The following MEAK7 variants were observed in gnomAD, a reference collection of about 807,000 sequenced individuals.
MEAK7 encodes the protein MTOR associated protein MEAK7, also known as MTOR-associated protein MEAK7.
Under a neutral mutation model 40.5 loss-of-function variants are expected in MEAK7, and 68 were observed. The observed-to-expected ratio is 1.68, with a 90% confidence interval of 1.38 to 2.06. The LOEUF (loss-of-function observed/expected upper bound fraction) is 2.06, where lower values mean the gene tolerates loss of function less well. Ranked by LOEUF, MEAK7 falls within the 30% of genes most tolerant of loss-of-function variation. MEAK7 has a pLI of 0.00. For missense variants in MEAK7, 918 were observed against 580.5 expected, an observed-to-expected ratio of 1.58 and a Z score of -5.98; for synonymous variants, 338 against 231.9, an observed-to-expected ratio of 1.46 and a Z score of -4.16.
intron 5 of MEAK7, among the ~76,000 whole-genome samples, chr16:84,483,848 C>A (rs1157945834): frequency 1.3e-5 from 2 of 152,152 alleles, no homozygotes; most frequent in African/African-American, 4.8e-5. Context: ...AGGTACGGAA[C>A]AGTGGGGCTT....
At chr16:84,482,216 C>T (rs1271821255) in intron 6 of MEAK7, among the ~76,000 whole-genome samples, 1 of 152,200 alleles carries the variant, frequency 6.6e-6, no homozygotes, top group Non-Finnish European at 1.5e-5. Flanking sequence ...GCCGGCCGTC[C>T]ATTCCCCTTG....
rs1156323886 is a variant in MEAK7 at position 84,480,650 on chromosome 16, C to G, written c.1136G>C (p.Gly379Ala). ...GLWVDVDFGKGHSRAKPTCTT... is the reference protein window; with the variant it reads ...GLWVDVDFGKAHSRAKPTCTT... ...GCACGTGGGCTTGGCTCTGCTGTGT[C>G]CTTTCCCAAAATCAACATCCACCCA... The change falls in exon 7 of 8, where the codon GGA (glycine) becomes GCA (alanine). Residue 379 changes from glycine to alanine, a missense_variant. Physicochemically the swap from Gly to Ala is moderately conservative, Grantham distance 60 (BLOSUM62 0). Coordinates refer to ENST00000343629, the MANE Select transcript of MEAK7 (RefSeq NM_020947.4). The G allele has an allele frequency of 6.2e-7, 1 of 1,613,976 alleles. No homozygotes were observed. Among genetic ancestry groups the G allele is most frequent in the Admixed American group, 1.7e-5 (1 of 59,988 alleles).
chr16:84,494,838 A>T (rs1047531509), intron 3 of MEAK7: 10 of 454,180 alleles, frequency 2.2e-5, no homozygotes, highest in African/African-American at 1.8e-4. Context: ...GATTTCTGAA[A>T]GACAAAGCAG....
At chr16:84,495,497 A>C in intron 3 of MEAK7, 186 bp downstream of exon 3, 1 of 606,206 alleles carries the variant, frequency 1.6e-6, no homozygotes, top group Non-Finnish European at 2.9e-6. Context: ...TCATCTTTGG[A>C]GAAAGGCACA....
In MEAK7 at chr16:84,486,795, C is replaced by T. The variant is rs746707098; in HGVS notation, c.794G>A (p.Arg265His). 9 of 1,614,004 alleles carry T rather than the reference C, an allele frequency of 5.6e-6. No homozygotes were observed. Among genetic ancestry groups the T allele is most frequent in the East Asian group, 2.2e-5 (1 of 44,880 alleles). Residue 265 changes from arginine to histidine, a missense_variant, in exon 5 of 8, where the codon CGC (arginine) becomes CAC (histidine). Arg to His is a conservative substitution (Grantham distance 29). Transcript: ENST00000343629. ...NAQLPREQRH[R>H]WCLLFSSELH... is the part of the protein sequence containing the mutation. ...CTCAGACGAAAAGAGCAGGCACCAG[C>T]GGTGCCGCTGCTCCCGAGGCAGCTG... is the stretch of plus-strand genomic sequence containing the variant.
chr16:84,486,558 C>T lies in MEAK7; in HGVS notation c.958+73G>A, dbSNP rs376832532. The stretch of plus-strand genomic sequence containing the variant: ...ATGGGAGAGCCCTATTTAGCACCCC[C>T]ACCCTCTCCCTTTCTCCAGAGCTCT... On this transcript the variant is annotated intron_variant, in intron 5 of 7. Coordinates refer to ENST00000343629, the MANE Select transcript of MEAK7 (RefSeq NM_020947.4). The T allele has an allele frequency of 1.4e-4, 216 of 1,515,376 alleles. 2 individuals carry two copies. In the South Asian group the frequency reaches 2.6e-3, roughly 18 times the overall value. The allele number at this position is 1,515,376 out of a possible 1,614,324, so 93.9% of individuals were successfully genotyped here. A position where few individuals can be genotyped will look rare whatever the true frequency, so the allele number is the denominator to read the frequency against.
At position 84,498,134 on chromosome 16, in the gene MEAK7, A is replaced by T. The variant is rs200269684; in HGVS notation, c.-25-23T>A. The T allele has an allele frequency of 6.2e-5, 95 of 1,535,996 alleles. 1 individual carries two copies. In the East Asian group the frequency reaches 2.0e-3, roughly 32 times the overall value. On this transcript the variant is annotated intron_variant, in intron 1 of 7. Transcript: ENST00000343629. ...TCTCTGCAGAAGGAAAAGACACAAC[A>T]TTAGAAAAATCAAAATTTAATAATC...
In MEAK7 at chr16:84,479,476, GCGGAA is replaced by G. The variant is rs1425271369; in HGVS notation, c.*432_*436del. 1.8e-4 allele frequency: 22 copies of G among 124,818 alleles called. No homozygotes were observed. The highest frequency in any genetic ancestry group is 8.5e-4 in the East Asian group (3 of 3,524). The allele number at this position is 124,818 out of a possible 1,614,324, so 7.7% of individuals were successfully genotyped here. A position where few individuals can be genotyped will look rare whatever the true frequency, so the allele number is the denominator to read the frequency against. On this transcript the variant is annotated 3_prime_UTR_variant, in exon 8 of 8. Transcript: ENST00000343629. ...ATGCCAGCGGAATTCCCTAATGCCA[GCGGAA>G]TTCCCTAATGCCAGCGGAATTCCCT...
chr16:84,502,304 T>C (rs959164571), intron 1 of MEAK7, among the ~76,000 whole-genome samples: 2 of 151,486 alleles, frequency 1.3e-5, no homozygotes, highest in Non-Finnish European at 1.5e-5. Context: ...GGGAGTGCCG[T>C]TGGCATCTAG....
At chr16:84,489,167 G>T in intron 4 of MEAK7, 111 bp downstream of exon 4, 3 of 1,353,114 alleles carry the variant, frequency 2.2e-6, no homozygotes, top group Non-Finnish European at 1.9e-6. Context: ...AAGAAGGTTC[G>T]AGGGCTCACG....
intron 1 of MEAK7, among the ~76,000 whole-genome samples, chr16:84,503,534 G>C (rs1195848871): frequency 6.6e-6 from 1 of 152,108 alleles, no homozygotes; most frequent in Non-Finnish European, 1.5e-5. Flanking sequence ...CATTGCAATG[G>C]TCTTCAATAA....
At chr16:84,481,958 C>A (rs1303305813) in intron 6 of MEAK7, among the ~76,000 whole-genome samples, 1 of 152,018 alleles carries the variant, frequency 6.6e-6, no homozygotes, top group Non-Finnish European at 1.5e-5. Context: ...AAGAAAAGAG[C>A]TTTCTGTCAA....
intron 3 of MEAK7, among the ~76,000 whole-genome samples, chr16:84,495,388 C>G (rs1353430849): frequency 6.6e-6 from 1 of 152,220 alleles, no homozygotes; most frequent in Non-Finnish European, 1.5e-5. Flanking sequence ...CCTACCTGCT[C>G]CCTTCCTCTT....
At chr16:84,491,447 G>A (rs368846819) in intron 3 of MEAK7, among the ~76,000 whole-genome samples, 21 of 151,176 alleles carry the variant, frequency 1.4e-4, no homozygotes, top group African/African-American at 4.8e-4. Flanking sequence ...GCTGAGGCAG[G>A]AGAATCGCTT....
At position 84,481,940 on chromosome 16, in the gene MEAK7, AAAAAG is replaced by A. The variant is rs1315201307; in HGVS notation, c.1077+647_1077+651del. On this transcript the variant is annotated intron_variant, in intron 6 of 7. Coordinates refer to ENST00000343629, the MANE Select transcript of MEAK7 (RefSeq NM_020947.4). ...GAGTGGACTCCATCTCAAAAAGAAA[AAAAAG>A]AAAAGAAAAGAGCTTTCTGTCAAGC... Among the ~76,000 whole-genome samples, 38 of 152,234 alleles carry A rather than the reference AAAAAG, an allele frequency of 2.5e-4. No homozygotes were observed. The East Asian group carries it at 5.4e-3, about 22-fold the overall frequency.
At chr16:84,490,945 T>G (rs1305040577) in intron 3 of MEAK7, among the ~76,000 whole-genome samples, 1 of 148,852 alleles carries the variant, frequency 6.7e-6, no homozygotes, top group Non-Finnish European at 1.5e-5. Context: ...AACCCCAAAG[T>G]TATAAACAGA....
At chr16:84,503,369 C>A (rs972960459) in intron 1 of MEAK7, among the ~76,000 whole-genome samples, 16 of 152,146 alleles carry the variant, frequency 1.1e-4, no homozygotes, top group Non-Finnish European at 1.9e-4. Context: ...TAAGCTTACC[C>A]AGAATCCACC....
intron 3 of MEAK7, among the ~76,000 whole-genome samples, chr16:84,489,743 G>A (rs1025358603): frequency 6.6e-6 from 1 of 152,122 alleles, no homozygotes; most frequent in Non-Finnish European, 1.5e-5. Context: ...AGGCCCAGGA[G>A]CTACCCCCTC....
chr16:84,492,387 C>T (rs1913692966), intron 3 of MEAK7, among the ~76,000 whole-genome samples: 1 of 152,018 alleles, frequency 6.6e-6, no homozygotes, highest in African/African-American at 2.4e-5. Context: ...TATAAGACTT[C>T]ACAGAGATTT....
Sources: gnomAD v4.1 joint callset for allele counts (sites outside exome capture counted in the v4.1 genomes callset) on GRCh38, gnomAD v4.1.1 for gene constraint, MANE v1.5 for transcripts, NCBI Gene and HGNC (gene_info 2026-07-23, HGNC 2026-07-21) for gene names.